Variants in PCDHGB4 observed in about 807,000 individuals in gnomAD.
The protein encoded by PCDHGB4 is protocadherin gamma subfamily B, 4, also known as protocadherin gamma-B4.
Under a neutral mutation model 60.5 loss-of-function variants are expected in PCDHGB4, and 38 were observed. The observed-to-expected ratio is 0.63, with a 90% confidence interval of 0.48 to 0.82. The LOEUF (loss-of-function observed/expected upper bound fraction) is 0.82, where lower values mean the gene tolerates loss of function less well. Ranked by LOEUF, PCDHGB4 falls within the 40% of genes least tolerant of loss-of-function variation. The pLI, the probability that PCDHGB4 is intolerant of heterozygous loss-of-function variation, is 0.00. For missense variants in PCDHGB4, 1,109 were observed against 1,209.6 expected, an observed-to-expected ratio of 0.92 and a Z score of 1.23; for synonymous variants, 456 against 509.7, an observed-to-expected ratio of 0.89 and a Z score of 1.42.
intron 1 of PCDHGB4, among the ~76,000 whole-genome samples, chr5:141,463,128 A>G (rs914895217): frequency 1.5e-4 from 23 of 152,190 alleles, no homozygotes; most frequent in Admixed American, 1.4e-3. Context: ...GCTCCCTGGC[A>G]GTTCTTCGCC....
At chr5:141,447,773 T>C (rs2098551408) in intron 1 of PCDHGB4, among the ~76,000 whole-genome samples, 1 of 152,202 alleles carries the variant, frequency 6.6e-6, no homozygotes, top group African/African-American at 2.4e-5. Context: ...AATTATACTT[T>C]AATTGAAAAT....
chr5:141,472,505 A>G (rs1041224118), intron 1 of PCDHGB4, among the ~76,000 whole-genome samples: 4 of 152,004 alleles, frequency 2.6e-5, no homozygotes, highest in African/African-American at 7.3e-5. Context: ...GTGCCACTGC[A>G]CTCCAGCCTG....
chr5:141,408,380 G>T, intron 1 of PCDHGB4: 1 of 1,614,028 alleles, frequency 6.2e-7, no homozygotes, highest in East Asian at 2.2e-5. Context: ...CAGTGTCCTG[G>T]ATGTGTCGGC....
In PCDHGB4 at chr5:141,388,651, A is replaced by G. The variant is rs186708822; in HGVS notation, c.767A>G (p.Tyr256Cys). ...AGGGTGAGCCTTTCAGAAAACGTGT[A>G]CCCGGGGACCACGGTGCTACAGGTG... ...VYRVSLSENVYPGTTVLQVTA... is the reference protein window; with the variant it reads ...VYRVSLSENVCPGTTVLQVTA... The change falls in exon 1 of 4, where the codon TAC becomes TGC. Residue 256 changes from tyrosine (Y) to cysteine (C), a missense_variant. By Grantham distance (194) the Tyr-to-Cys change is radical. Transcript: ENST00000519479. 300 of 1,613,838 alleles carry G rather than the reference A, an allele frequency of 1.9e-4. 1 individual carries two copies. Among genetic ancestry groups the G allele is most frequent in the Admixed American group, 9.7e-4 (58 of 60,020 alleles).
intron 1 of PCDHGB4, chr5:141,418,060 A>G (rs2096216821): frequency 1.2e-6 from 2 of 1,613,850 alleles, no homozygotes; most frequent in Admixed American, 1.7e-5. Flanking sequence ...GCGAGCTGCG[A>G]GTGAGCGCGG....
chr5:141,405,995 A>T (rs985162414), intron 1 of PCDHGB4, among the ~76,000 whole-genome samples: 1 of 151,964 alleles, frequency 6.6e-6, no homozygotes. Context: ...GGTAGCTCTC[A>T]GCCTGCATTG....
intron 1 of PCDHGB4, among the ~76,000 whole-genome samples, chr5:141,433,594 G>A (rs1331681563): frequency 1.3e-5 from 2 of 152,086 alleles, no homozygotes; most frequent in Admixed American, 1.3e-4. Context: ...CCAGTACTTT[G>A]GGAGGCCGAG....
chr5:141,460,430 G>T (rs1163518139), intron 1 of PCDHGB4, among the ~76,000 whole-genome samples: 2 of 152,110 alleles, frequency 1.3e-5, no homozygotes, highest in African/African-American at 4.8e-5. Flanking sequence ...ATGGTGTATG[G>T]TGTGAGGTAA....
chr5:141,426,960 A>G, intron 1 of PCDHGB4: 1 of 456,776 alleles, frequency 2.2e-6, no homozygotes, highest in South Asian at 1.5e-5. Context: ...CACTGCTGCA[A>G]TTCAAATTGA....
intron 1 of PCDHGB4, among the ~76,000 whole-genome samples, chr5:141,466,225 C>A (rs925594512): frequency 2.0e-5 from 3 of 152,028 alleles, no homozygotes; most frequent in Admixed American, 6.6e-5. Flanking sequence ...GGCTGGAGTG[C>A]AGTGGCACCA....
intron 2 of PCDHGB4, among the ~76,000 whole-genome samples, chr5:141,503,292 A>T (rs7710319): frequency 0.52 from 78,681 of 151,966 alleles, 21,044 homozygotes; most frequent in African/African-American, 0.62. Flanking sequence ...TGGTACATAG[A>T]AATTGCTCAA....
At chr5:141,495,014 G>A (rs561045298) in intron 2 of PCDHGB4, 149 bp downstream of exon 2, 13 of 1,510,430 alleles carry the variant, frequency 8.6e-6, no homozygotes, top group South Asian at 7.5e-5. Flanking sequence ...GCGGGGGGCT[G>A]GCACACAGAC....
At position 141,486,190 on chromosome 5, in the gene PCDHGB4, T is replaced by A; in HGVS notation, c.2398-8617T>A. Reference sequence around the variant, plus strand: ...AGCAACATTGCAGCCTTCGAGTGGATCTGCTGGACGTAAATGACAATGCCC... The same window carrying A: ...AGCAACATTGCAGCCTTCGAGTGGAACTGCTGGACGTAAATGACAATGCCC... On this transcript the variant is annotated intron_variant, in intron 1 of 3. Transcript: ENST00000519479. The surrounding 1 kb of genome is among the most constrained non-coding windows in gnomAD (Gnocchi z 5.0). 1 of 1,614,122 alleles carries A rather than the reference T, an allele frequency of 6.2e-7. No individual in the cohort carries two copies. Among genetic ancestry groups the A allele is most frequent in the South Asian group, 1.1e-5 (1 of 91,070 alleles).
intron 1 of PCDHGB4, among the ~76,000 whole-genome samples, chr5:141,406,925 GTAT>G (rs2094866637): frequency 6.6e-6 from 1 of 152,150 alleles, no homozygotes; most frequent in South Asian, 2.1e-4. Flanking sequence ...AGAGAATAAT[GTAT>G]TATTTAATGT....
At chr5:141,394,952 G>A (rs764724660) in intron 1 of PCDHGB4, 13 of 1,613,738 alleles carry the variant, frequency 8.1e-6, no homozygotes, top group African/African-American at 6.7e-5. Context: ...TGCTTCTGGG[G>A]CTCAGGCTGA....
At chr5:141,414,763 C>G in intron 1 of PCDHGB4, 1 of 1,614,258 alleles carries the variant, frequency 6.2e-7, no homozygotes, top group South Asian at 1.1e-5. Flanking sequence ...TGAGCAGTTT[C>G]ATGAGCTACA....
At chr5:141,408,578 G>A (rs775312574) in intron 1 of PCDHGB4, 3 of 1,613,928 alleles carry the variant, frequency 1.9e-6, no homozygotes, top group African/African-American at 1.3e-5. Flanking sequence ...GATTGAGGAT[G>A]TTAATGACCA....
At chr5:141,423,755 GGGGGGT>G in intron 1 of PCDHGB4, 4 of 512,470 alleles carry the variant, frequency 7.8e-6, no homozygotes, top group Non-Finnish European at 1.0e-5. Context: ...CTGTTTGGGG[GGGGGGT>G]GGGGCGGCAT....
At chr5:141,393,952 G>C in intron 1 of PCDHGB4, 4 of 1,613,916 alleles carry the variant, frequency 2.5e-6, no homozygotes, top group Non-Finnish European at 3.4e-6. Context: ...GGAAAGAATG[G>C]TCAAGTTGTC....
Sources: gnomAD v4.1 joint callset for allele counts (sites outside exome capture counted in the v4.1 genomes callset) on GRCh38, gnomAD v4.1.1 for gene constraint, Gnocchi (gnomAD v3.1) non-coding constraint, MANE v1.5 for transcripts, NCBI Gene and HGNC (gene_info 2026-07-23, HGNC 2026-07-21) for gene names.